Variants in ANKRD36C observed in about 807,000 individuals in gnomAD.
The protein encoded by ANKRD36C is ankyrin repeat domain-containing protein 36C.
In ANKRD36C, 61 loss-of-function variants were observed where a neutral mutation model predicts 276.4. The observed-to-expected ratio is 0.22, with a 90% CI of 0.18 to 0.27. The LOEUF is 0.27. Among genes scored for constraint, ANKRD36C ranks in the 10% least tolerant of loss-of-function variants. The pLI, the probability that ANKRD36C is intolerant of heterozygous loss-of-function variation, is 1.00. For synonymous variants in ANKRD36C, 483 were observed against 680.1 expected, an observed-to-expected ratio of 0.71 and a Z score of 4.51; for missense variants, 1,447 against 2,032.3, an observed-to-expected ratio of 0.71 and a Z score of 5.54.
At chr2:95,850,236 G>A (rs1276731536), downstream of ANKRD36C, among the ~76,000 whole-genome samples, 1 of 152,286 alleles carries the variant, frequency 6.6e-6, no homozygotes, top group African/African-American at 2.4e-5. Context: ...CATGTGCTAA[G>A]GTACTAGGAC....
chr2:95,860,047 T>G, exon 61 of ANKRD36C: 1 of 1,541,338 alleles, frequency 6.5e-7, no homozygotes, highest in African/African-American at 1.4e-5. Context: ...ACAAAATGTC[T>G]TTTTAATTTT....
intron 24 of ANKRD36C, among the ~76,000 whole-genome samples, chr2:95,930,591 CAAAGTTTCTAAATCACTAGAG>C (rs2104441400): frequency 6.6e-6 from 1 of 151,126 alleles, no homozygotes; most frequent in African/African-American, 2.4e-5. Context: ...ATAAACTAAA[CAAAGTTTCTAAATCACTAGAG>C]ACTTCTTTTC....
intron 14 of ANKRD36C, among the ~76,000 whole-genome samples, chr2:95,952,742 G>T (rs1678227889): frequency 6.6e-6 from 1 of 152,304 alleles, no homozygotes; most frequent in Non-Finnish European, 1.5e-5. Context: ...ACATTTAATA[G>T]ATTTAATTAT....
chr2:95,855,284 T>A, exon 63 of ANKRD36C: 1 of 1,595,706 alleles, frequency 6.3e-7, no homozygotes, highest in Middle Eastern at 1.7e-4. Flanking sequence ...CTGCTTTCTC[T>A]TTTTCATATT....
intron 32 of ANKRD36C, among the ~76,000 whole-genome samples, chr2:95,922,641 C>A (rs1203836590): frequency 6.6e-6 from 1 of 151,546 alleles, no homozygotes; most frequent in Non-Finnish European, 1.5e-5. Context: ...TTGATGAACT[C>A]AACATTATAT....
rs1028662508 is a variant in ANKRD36C at position 95,983,652 on chromosome 2, C to T, written c.487-1290G>A. ...TTGAGATGGAGTCTCGCTCTGTCGC[C>T]CAGGCTGGAGTGCAGTGGTGCCATC... On this transcript the variant is annotated intron_variant, in intron 3 of 66. Coordinates refer to ENST00000456556, the Ensembl canonical transcript of ANKRD36C. Among the ~76,000 whole-genome samples the T allele has an allele frequency of 4.0e-5, 6 of 151,140 alleles. 1 individual carries two copies. Among genetic ancestry groups the T allele is most frequent in the African/African-American group, 1.5e-4 (6 of 41,044 alleles).
chr2:95,946,011 C>T (rs1187640102), intron 17 of ANKRD36C, among the ~76,000 whole-genome samples: 2 of 151,300 alleles, frequency 1.3e-5, no homozygotes, highest in Non-Finnish European at 3.0e-5. Flanking sequence ...AGCATTTACT[C>T]GACAATTTGT....
chr2:95,912,907 C>T (rs751761716), intron 40 of ANKRD36C, among the ~76,000 whole-genome samples: 7 of 151,368 alleles, frequency 4.6e-5, no homozygotes, highest in Admixed American at 2.6e-4. Context: ...ATTACGATGA[C>T]ACTTCAGTTG....
chr2:95,893,298 C>T (rs1352509429), intron 44 of ANKRD36C, among the ~76,000 whole-genome samples: 2 of 151,058 alleles, frequency 1.3e-5, no homozygotes, highest in Non-Finnish European at 3.0e-5. Flanking sequence ...TCTTCAACTG[C>T]TCTCCATATA....
intron 34 of ANKRD36C, among the ~76,000 whole-genome samples, chr2:95,919,296 G>T (rs1230413644): frequency 7.5e-6 from 1 of 132,982 alleles, no homozygotes; most frequent in African/African-American, 2.5e-5. Context: ...TACATCAGGG[G>T]TCTCCTTAGT....
intron 42 of ANKRD36C, among the ~76,000 whole-genome samples, chr2:95,909,005 A>G (rs1280133558): frequency 6.6e-6 from 1 of 151,178 alleles, no homozygotes; most frequent in Non-Finnish European, 1.5e-5. Context: ...ATCTAAAATC[A>G]GAGGAGCAAC....
chr2:95,927,426 A>T lies in ANKRD36C; in HGVS notation c.1838-17T>A, dbSNP rs1242302515. 12 of 1,605,750 alleles carry T rather than the reference A, an allele frequency of 7.5e-6. No homozygotes were observed. The highest frequency in any genetic ancestry group is 1.0e-5 in the Non-Finnish European group (12 of 1,177,524). ...GAGAAGACACTGAAAAGCAAAAGGG[A>T]TACATAATCACTCACATGTACATAT... On this transcript the variant is annotated splice_polypyrimidine_tract_variant and intron_variant, in intron 26 of 66. Transcript: ENST00000456556.
chr2:95,910,859 C>G (rs190301643), intron 42 of ANKRD36C, among the ~76,000 whole-genome samples: 2 of 151,414 alleles, frequency 1.3e-5, no homozygotes, highest in Non-Finnish European at 3.0e-5. Context: ...GTGATGAGAA[C>G]AAATGTGATC....
At chr2:95,891,064 A>C (rs1338336665) in intron 46 of ANKRD36C, among the ~76,000 whole-genome samples, 1 of 151,490 alleles carries the variant, frequency 6.6e-6, no homozygotes, top group Non-Finnish European at 1.5e-5. Context: ...TCCTGCTTCC[A>C]GTAGTTCCTG....
At chr2:95,874,148 A>G (rs1484106491) in intron 59 of ANKRD36C, among the ~76,000 whole-genome samples, 35 of 152,080 alleles carry the variant, frequency 2.3e-4, no homozygotes, top group Admixed American at 2.3e-3. Context: ...AAGCTCCCAA[A>G]GACTTTCTTC....
rs1677231077 is a variant in ANKRD36C, at chr2:95,920,397, A to C, written c.2245+1210T>G. Among the ~76,000 whole-genome samples the C allele has an allele frequency of 2.3e-5, 3 of 132,418 alleles. 1 individual carries two copies. The highest frequency in any genetic ancestry group is 7.9e-5 in the African/African-American group (3 of 38,034). The allele number at this position is 132,418 out of a possible 152,430, so 86.9% of individuals were successfully genotyped here. A position where few individuals can be genotyped will look rare whatever the true frequency, so the allele number is the denominator to read the frequency against. On this transcript the variant is annotated intron_variant, in intron 34 of 66. Transcript: ENST00000456556. ...AGGCACACAGTTACCATGGCACTTC[A>C]GTTGAATGTACACTTCACATCCCCT... is the stretch of plus-strand genomic sequence containing the variant.
In ANKRD36C at chr2:95,885,987, G is replaced by T. The variant is rs879198235; in HGVS notation, c.3163+61C>A. Reference sequence around the variant, plus strand: ...CAATGAACCCCCCGCTGATTTATTTGGGGAAGTGAATTTCTCTTCTATTTG... The same window carrying T: ...CAATGAACCCCCCGCTGATTTATTTTGGGAAGTGAATTTCTCTTCTATTTG... On this transcript the variant is annotated intron_variant, in intron 52 of 66. Coordinates refer to ENST00000456556, the Ensembl canonical transcript of ANKRD36C. The T allele has an allele frequency of 6.3e-4, 986 of 1,566,100 alleles. 2 individuals are homozygous for T. The highest frequency in any genetic ancestry group is 9.2e-4 in the South Asian group (79 of 85,732).
At chr2:95,962,056 G>A (rs940140170) in intron 8 of ANKRD36C, among the ~76,000 whole-genome samples, 1 of 151,876 alleles carries the variant, frequency 6.6e-6, no homozygotes, top group Non-Finnish European at 1.5e-5. Flanking sequence ...CCTTTATGAT[G>A]GAAACATGCT....
exon 40 of ANKRD36C, chr2:95,914,126 C>T (rs1237824425): frequency 1.1e-5 from 18 of 1,575,174 alleles, no homozygotes; most frequent in Non-Finnish European, 1.5e-5. Context: ...GTTTTTTCTC[C>T]ATCCTCTTTT....
Sources: allele counts gnomAD v4.1 joint callset (sites outside exome capture counted in the v4.1 genomes callset), GRCh38; gene constraint gnomAD v4.1.1; transcripts MANE v1.5; gene names NCBI Gene and HGNC (gene_info 2026-07-23, HGNC 2026-07-21).